Variants in FAM135A observed in about 807,000 individuals in gnomAD.
FAM135A encodes the protein family with sequence similarity 135 member A, also known as protein FAM135A.
In FAM135A, 79 loss-of-function variants were observed where a neutral mutation model predicts 146.8. The ratio of observed to expected loss-of-function variants is 0.54; its 90% CI spans 0.45 to 0.65. The LOEUF (loss-of-function observed/expected upper bound fraction) is 0.65. Among genes scored for constraint, FAM135A ranks in the 30% least tolerant of loss-of-function variants. The probability of loss-of-function intolerance (pLI) is 0.00; values close to 1 mark genes in which losing one functional copy is unlikely to be tolerated. For missense variants in FAM135A, 1,623 were observed against 1,758.2 expected (o/e 0.92, Z 1.38); for synonymous variants, 562 against 603.6 (o/e 0.93, Z 1.01).
At chr6:70,556,061 C>T (rs952922115) in intron 20 of FAM135A, among the ~76,000 whole-genome samples, 11 of 151,836 alleles carry the variant, frequency 7.2e-5, no homozygotes, top group Non-Finnish European at 1.2e-4. Context: ...CCAGCCTGGC[C>T]AATATGGTGA....
chr6:70,445,823 G>C (rs1020001104), intron 4 of FAM135A, among the ~76,000 whole-genome samples: 1 of 152,110 alleles, frequency 6.6e-6, no homozygotes, highest in Non-Finnish European at 1.5e-5. Context: ...CCAGTTTTGG[G>C]GCCAGTTTAA....
At chr6:70,435,922 G>T (rs567119102) in intron 4 of FAM135A, among the ~76,000 whole-genome samples, 1 of 152,120 alleles carries the variant, frequency 6.6e-6, no homozygotes, top group African/African-American at 2.4e-5. Flanking sequence ...GGTGGCTCAC[G>T]CCTGTGATCC....
At chr6:70,533,049 A>G in intron 16 of FAM135A, 111 bp from the exon 17 acceptor site, 1 of 803,320 alleles carries the variant, frequency 1.2e-6, no homozygotes, top group Non-Finnish European at 2.1e-6. Context: ...TTGTCTGTTC[A>G]CAAATGGCAT....
chr6:70,450,542 G>T (rs1398428433), intron 4 of FAM135A, among the ~76,000 whole-genome samples: 1 of 151,858 alleles, frequency 6.6e-6, no homozygotes, highest in East Asian at 1.9e-4. Context: ...TTCATTGTGT[G>T]TTCTTGGCAC....
At chr6:70,543,021 T>A (rs1039117727) in intron 20 of FAM135A, among the ~76,000 whole-genome samples, 1 of 152,202 alleles carries the variant, frequency 6.6e-6, no homozygotes, top group Admixed American at 6.5e-5. Flanking sequence ...TTAAGTAGGA[T>A]CTGTCATGAC....
intron 8 of FAM135A, among the ~76,000 whole-genome samples, chr6:70,477,761 C>G (rs148119401): frequency 5.9e-5 from 9 of 152,182 alleles, no homozygotes; most frequent in Non-Finnish European, 1.3e-4. Flanking sequence ...ATTAATGTAG[C>G]ATTTTTTTAT....
chr6:70,414,630 C>T (rs1767135150), intron 1 of FAM135A, among the ~76,000 whole-genome samples: 2 of 151,982 alleles, frequency 1.3e-5, no homozygotes, highest in African/African-American at 4.8e-5. Context: ...CTGCTTTCTG[C>T]CTAAGCTAGG....
chr6:70,489,010 A>G (rs1374328686), intron 10 of FAM135A, among the ~76,000 whole-genome samples: 1 of 152,218 alleles, frequency 6.6e-6, no homozygotes, highest in Middle Eastern at 3.2e-3. Flanking sequence ...TACTGTTTGC[A>G]TTGAAGTAGC....
intron 11 of FAM135A, among the ~76,000 whole-genome samples, chr6:70,501,638 A>G (rs1387969017): frequency 6.6e-6 from 1 of 152,104 alleles, no homozygotes; most frequent in African/African-American, 2.4e-5. Flanking sequence ...ACATGAGGGA[A>G]CCTCCTGATC....
At chr6:70,514,818 C>A (rs530013710) in intron 12 of FAM135A, among the ~76,000 whole-genome samples, 2 of 152,148 alleles carry the variant, frequency 1.3e-5, no homozygotes, top group Non-Finnish European at 2.9e-5. Flanking sequence ...CAAGAGCCCT[C>A]CCAGTTTCTT....
chr6:70,427,258 G>A (rs532595641), intron 3 of FAM135A, among the ~76,000 whole-genome samples: 1 of 152,170 alleles, frequency 6.6e-6, no homozygotes, highest in African/African-American at 2.4e-5. Flanking sequence ...ATGGCCGGGG[G>A]CGGTGGTTCA....
chr6:70,462,029 A>G (rs1385518648), intron 5 of FAM135A, among the ~76,000 whole-genome samples: 1 of 152,176 alleles, frequency 6.6e-6, no homozygotes, highest in Non-Finnish European at 1.5e-5. Flanking sequence ...TGCTGAAATA[A>G]GGTGGACTCT....
chr6:70,521,546 TAGTA>T (rs1349579824), intron 12 of FAM135A, among the ~76,000 whole-genome samples: 3 of 152,226 alleles, frequency 2.0e-5, no homozygotes, highest in African/African-American at 7.2e-5. Flanking sequence ...GAAACAAGTT[TAGTA>T]AGTCAGAAAT....
chr6:70,476,823 T>C (rs1227141025), intron 7 of FAM135A, among the ~76,000 whole-genome samples: 2 of 152,140 alleles, frequency 1.3e-5, no homozygotes, highest in Non-Finnish European at 2.9e-5. Context: ...TATGTTGTAC[T>C]GCAGCCTTGT....
intron 5 of FAM135A, among the ~76,000 whole-genome samples, chr6:70,462,154 T>C (rs1294033605): frequency 6.6e-6 from 1 of 152,178 alleles, no homozygotes; most frequent in African/African-American, 2.4e-5. Flanking sequence ...AGTTGAATGA[T>C]ATGGTTTAAC....
intron 1 of FAM135A, among the ~76,000 whole-genome samples, chr6:70,414,398 C>T (rs1767048864): frequency 6.6e-6 from 1 of 152,074 alleles, no homozygotes; most frequent in Admixed American, 6.6e-5. Context: ...CTTCTCTTTC[C>T]TCTGGTACCC....
At chr6:70,555,368 G>A (rs1292995969) in intron 20 of FAM135A, among the ~76,000 whole-genome samples, 1 of 151,982 alleles carries the variant, frequency 6.6e-6, no homozygotes, top group Non-Finnish European at 1.5e-5. Context: ...TGGGCTCAAG[G>A]GGTCCTCCCA....
intron 4 of FAM135A, among the ~76,000 whole-genome samples, chr6:70,429,976 A>G (rs977629691): frequency 2.0e-5 from 3 of 151,758 alleles, no homozygotes; most frequent in Non-Finnish European, 2.9e-5. Flanking sequence ...GGTCTGCTCT[A>G]TATGGTCTCT....
At chr6:70,484,303 T>A (rs983551945) in intron 10 of FAM135A, among the ~76,000 whole-genome samples, 1 of 152,156 alleles carries the variant, frequency 6.6e-6, no homozygotes. Flanking sequence ...AAGGAAGATA[T>A]CCATCTGCAT....
Sources: gnomAD v4.1 joint callset for allele counts (sites outside exome capture counted in the v4.1 genomes callset) on GRCh38, gnomAD v4.1.1 for gene constraint, MANE v1.5 for transcripts, NCBI Gene and HGNC (gene_info 2026-07-23, HGNC 2026-07-21) for gene names.